PPP1R16B: variants seen among roughly 807,000 people sequenced by gnomAD.
PPP1R16B encodes the protein protein phosphatase 1 regulatory inhibitor subunit 16B.
A neutral mutation model predicts 61.7 loss-of-function variants in PPP1R16B; 14 were observed. That is an observed-to-expected ratio of 0.23 (90% CI 0.15 to 0.35). PPP1R16B has a LOEUF of 0.35. Ranked by LOEUF, PPP1R16B falls within the 10% of genes least tolerant of loss-of-function variation. The probability of loss-of-function intolerance (pLI) is 1.00; values close to 1 mark genes in which losing one functional copy is unlikely to be tolerated. For synonymous variants in PPP1R16B, 266 were observed against 305.3 expected (o/e 0.87, Z 1.34); for missense variants, 547 against 752.5 (o/e 0.73, Z 3.19).
chr20:38,900,254 T>A (rs1213695068), intron 4 of PPP1R16B, among the ~76,000 whole-genome samples: 1 of 152,208 alleles, frequency 6.6e-6, no homozygotes, highest in East Asian at 1.9e-4. Context: ...AATGTGATTT[T>A]TGTTATTGTC....
chr20:38,869,548 A>G (rs2085112929), intron 2 of PPP1R16B, among the ~76,000 whole-genome samples: 1 of 152,196 alleles, frequency 6.6e-6, no homozygotes, highest in Admixed American at 6.5e-5. Context: ...CAAGGGTTCC[A>G]GTTTCTCCAC....
At chr20:38,880,040 G>T (rs2085193806) in intron 2 of PPP1R16B, among the ~76,000 whole-genome samples, 1 of 152,046 alleles carries the variant, frequency 6.6e-6, no homozygotes, top group South Asian at 2.1e-4. Context: ...TGGTTCTGAG[G>T]CTTGGGTAGA....
intron 2 of PPP1R16B, among the ~76,000 whole-genome samples, chr20:38,889,059 G>T (rs2085270449): frequency 6.6e-6 from 1 of 152,118 alleles, no homozygotes; most frequent in Non-Finnish European, 1.5e-5. Flanking sequence ...GGGACCCACA[G>T]TTTTAGTAAA....
Position 38,806,873 on chromosome 20 carries a change from G to T in PPP1R16B, c.-102+1081G>T, listed in dbSNP as rs879860941. Reference sequence around the variant, plus strand: ...GCCAGGCCTGGGTCCCGGTGCTCCCGGGCACCTCAGGAGCGGAGGGAGAGG... The same window carrying T: ...GCCAGGCCTGGGTCCCGGTGCTCCCTGGCACCTCAGGAGCGGAGGGAGAGG... On this transcript the variant is annotated intron_variant, in intron 1 of 10. Coordinates refer to ENST00000299824, the MANE Select transcript of PPP1R16B (RefSeq NM_015568.4). This position sits in a 1 kb window ranked among gnomAD's most constrained non-coding sequence, Gnocchi z 4.5. Among the ~76,000 whole-genome samples the T allele has an allele frequency of 1.3e-5, 2 of 152,196 alleles. No individual in the cohort carries two copies. The highest frequency in any genetic ancestry group is 2.9e-5 in the Non-Finnish European group (2 of 68,022).
intron 2 of PPP1R16B, among the ~76,000 whole-genome samples, chr20:38,863,740 AG>A (rs1004496785): frequency 1.5e-4 from 23 of 152,332 alleles, no homozygotes; most frequent in Admixed American, 1.5e-3. Context: ...TGCTCAATAG[AG>A]GTTAATTCCC....
In PPP1R16B at chr20:38,922,371, C is replaced by T. The variant is rs575681218; in HGVS notation, c.*3705C>T. On this transcript the variant is annotated 3_prime_UTR_variant, in exon 11 of 11. Coordinates refer to ENST00000299824, the MANE Select transcript of PPP1R16B (RefSeq NM_015568.4). ...TCTCCTAGAGCAGGATACTGGGGTA[C>T]TTTTAAGAAGGGTGCTCCTTTTAAG... is the stretch of plus-strand genomic sequence containing the variant. The T allele has an allele frequency of 6.5e-6, 1 of 152,782 alleles. No individual in the cohort carries two copies. The highest frequency in any genetic ancestry group is 1.5e-5 in the Non-Finnish European group (1 of 68,036). 9.5% of individuals were successfully genotyped at this position (152,782 alleles called of 1,614,324 possible).
chr20:38,866,899 A>G (rs1283735461), intron 2 of PPP1R16B, among the ~76,000 whole-genome samples: 2 of 151,842 alleles, frequency 1.3e-5, no homozygotes, highest in Non-Finnish European at 2.9e-5. Context: ...GAAACCCTGG[A>G]CTCATTAGCA....
chr20:38,860,483 A>G (rs2085041471), intron 2 of PPP1R16B, among the ~76,000 whole-genome samples: 1 of 152,248 alleles, frequency 6.6e-6, no homozygotes, highest in Non-Finnish European at 1.5e-5. Flanking sequence ...ATGGCCACAC[A>G]TGGCTCGTAG....
intron 2 of PPP1R16B, among the ~76,000 whole-genome samples, chr20:38,855,394 AC>A (rs2084997182): frequency 6.6e-6 from 1 of 151,582 alleles, no homozygotes; most frequent in Non-Finnish European, 1.5e-5. Flanking sequence ...ACTTCGCAAA[AC>A]TTCCCCCAAG....
intron 2 of PPP1R16B, among the ~76,000 whole-genome samples, chr20:38,846,632 T>C (rs1266408173): frequency 6.6e-6 from 1 of 152,246 alleles, no homozygotes; most frequent in African/African-American, 2.4e-5. Flanking sequence ...ATGCAGCTAC[T>C]CCCTTATTAT....
At chr20:38,834,426 G>A (rs1389254319) in intron 1 of PPP1R16B, among the ~76,000 whole-genome samples, 1 of 152,198 alleles carries the variant, frequency 6.6e-6, no homozygotes, top group African/African-American at 2.4e-5. Flanking sequence ...CTTTCCCTCT[G>A]TGTCTGAAAG....
chr20:38,860,295 T>A (rs1054290191), intron 2 of PPP1R16B, among the ~76,000 whole-genome samples: 1 of 152,204 alleles, frequency 6.6e-6, no homozygotes, highest in African/African-American at 2.4e-5. Flanking sequence ...AGAGACAGGG[T>A]TTCACCATGT....
At chr20:38,858,301 G>A (rs1484499366) in intron 2 of PPP1R16B, among the ~76,000 whole-genome samples, 1 of 152,102 alleles carries the variant, frequency 6.6e-6, no homozygotes, top group East Asian at 1.9e-4. Context: ...ATGTCCCTGG[G>A]GTTCTCTGTG....
At chr20:38,870,979 C>T (rs1445065572) in intron 2 of PPP1R16B, among the ~76,000 whole-genome samples, 1 of 152,128 alleles carries the variant, frequency 6.6e-6, no homozygotes, top group Non-Finnish European at 1.5e-5. Context: ...CACACCTGGG[C>T]CCCAGTTTAC....
At chr20:38,816,635 C>T (rs143004541) in intron 1 of PPP1R16B, among the ~76,000 whole-genome samples, 338 of 152,348 alleles carry the variant, frequency 2.2e-3, no homozygotes, top group African/African-American at 7.6e-3. Context: ...GATAGCTCTT[C>T]ATTCACTTGA....
intron 1 of PPP1R16B, among the ~76,000 whole-genome samples, chr20:38,829,443 C>A (rs909016109): frequency 5.3e-5 from 8 of 152,206 alleles, no homozygotes; most frequent in Admixed American, 4.6e-4. Context: ...CCCATGTATC[C>A]CATTCTCTGC....
At chr20:38,913,982 A>G (rs2145785902) in intron 10 of PPP1R16B, among the ~76,000 whole-genome samples, 1 of 152,332 alleles carries the variant, frequency 6.6e-6, no homozygotes, top group Middle Eastern at 3.4e-3. Context: ...ATCTGAGGTC[A>G]GGAGTTTGAG....
In PPP1R16B at chr20:38,877,709, C is replaced by T. The variant is rs185775247; in HGVS notation, c.251-11886C>T. On this transcript the variant is annotated intron_variant, in intron 2 of 10. Transcript: ENST00000299824. ...ATGACTTCATTCTCCCCTCCTGCACCGCTAGCCCCAGGCGACCACTGATCT... is the reference window on the plus strand; with the variant it reads ...ATGACTTCATTCTCCCCTCCTGCACTGCTAGCCCCAGGCGACCACTGATCT... Among the ~76,000 whole-genome samples the T allele has an allele frequency of 5.3e-4, 81 of 152,148 alleles. 1 individual carries two copies. The East Asian group carries it at 8.7e-3, about 16-fold the overall frequency.
chr20:38,845,326 A>T (rs1015153375), intron 2 of PPP1R16B, among the ~76,000 whole-genome samples: 1 of 152,172 alleles, frequency 6.6e-6, no homozygotes, highest in African/African-American at 2.4e-5. Context: ...TCATGCCTGT[A>T]ATCCTAGAGC....
Sources: gnomAD v4.1 joint callset for allele counts (sites outside exome capture counted in the v4.1 genomes callset) on GRCh38, gnomAD v4.1.1 for gene constraint, Gnocchi (gnomAD v3.1) non-coding constraint, MANE v1.5 for transcripts, NCBI Gene and HGNC (gene_info 2026-07-23, HGNC 2026-07-21) for gene names.